Variants in SNTB1 observed in about 807,000 individuals in gnomAD.
SNTB1 encodes the protein beta-1-syntrophin.
In SNTB1, 36 loss-of-function variants were observed where a neutral mutation model predicts 48.9. The ratio of observed to expected loss-of-function variants is 0.74; its 90% CI spans 0.56 to 0.97. The LOEUF is 0.97. Ranked by LOEUF, SNTB1 falls within the 50% of genes least tolerant of loss-of-function variation. SNTB1 has a pLI of 0.00. For missense variants in SNTB1, 786 were observed against 703.4 expected, an observed-to-expected ratio of 1.12 and a Z score of -1.33; for synonymous variants, 299 against 294.6, an observed-to-expected ratio of 1.01 and a Z score of -0.15.
chr8:120,745,059 A>G (rs566365102), intron 1 of SNTB1, among the ~76,000 whole-genome samples: 2 of 151,776 alleles, frequency 1.3e-5, no homozygotes, highest in East Asian at 3.9e-4. Flanking sequence ...TATTTGGTGC[A>G]GACATTAGGA....
At chr8:120,728,145 C>G (rs1460145043) in intron 1 of SNTB1, among the ~76,000 whole-genome samples, 1 of 152,122 alleles carries the variant, frequency 6.6e-6, no homozygotes, top group African/African-American at 2.4e-5. Flanking sequence ...CCCACCCCAG[C>G]CTTCTGAGTA....
chr8:120,662,218 A>C (rs1458094565), intron 2 of SNTB1, among the ~76,000 whole-genome samples: 1 of 152,224 alleles, frequency 6.6e-6, no homozygotes, highest in Non-Finnish European at 1.5e-5. Context: ...TATCTAAACT[A>C]TCTAGACAAG....
intron 1 of SNTB1, among the ~76,000 whole-genome samples, chr8:120,697,681 T>G (rs1159743108): frequency 6.6e-6 from 1 of 152,146 alleles, no homozygotes; most frequent in South Asian, 2.1e-4. Flanking sequence ...TCAAAGGAAA[T>G]GTTGCATACA....
At chr8:120,748,298 C>G (rs1056919119) in intron 1 of SNTB1, among the ~76,000 whole-genome samples, 18 of 152,082 alleles carry the variant, frequency 1.2e-4, no homozygotes, top group African/African-American at 4.3e-4. Flanking sequence ...TTCCTCCCTC[C>G]TTTTTAACTT....
chr8:120,548,905 G>A lies in SNTB1; in HGVS notation c.1190C>T (p.Ser397Phe). The change falls in exon 5 of 7, where the codon TCC (serine) becomes TTC (phenylalanine). Residue 397 changes from serine to phenylalanine, a missense_variant. By Grantham distance (155) the Ser-to-Phe change is radical (BLOSUM62 -2). Coordinates refer to ENST00000517992, the MANE Select transcript of SNTB1 (RefSeq NM_021021.4). ...CCTGGTACCAGTTCGCGTTGCAAAG[G>A]ACAGATCCACACCAGCCTGGGGTGA... is the stretch of plus-strand genomic sequence containing the variant. The part of the protein sequence containing the change: ...KGSPQAGVDL[S>F]FATRTGTRQG... 6.2e-7 allele frequency: 1 copy of A among 1,610,656 alleles called. No homozygotes were observed. Among genetic ancestry groups the A allele is most frequent in the Non-Finnish European group, 8.5e-7 (1 of 1,178,306 alleles).
intron 1 of SNTB1, among the ~76,000 whole-genome samples, chr8:120,802,302 T>C (rs971222590): frequency 6.6e-5 from 10 of 152,160 alleles, no homozygotes; most frequent in African/African-American, 2.4e-4. Context: ...ATTGAAGTAA[T>C]TGAAAATTCA....
At chr8:120,602,480 C>T (rs1223433941) in intron 3 of SNTB1, among the ~76,000 whole-genome samples, 1 of 152,162 alleles carries the variant, frequency 6.6e-6, no homozygotes, top group Non-Finnish European at 1.5e-5. Flanking sequence ...ACCGAGGTTC[C>T]CCCGAAAGAA....
intron 1 of SNTB1, among the ~76,000 whole-genome samples, chr8:120,797,546 CTTTTTTTTTTTTT>C (rs60374035): frequency 1.3e-4 from 9 of 69,114 alleles, no homozygotes; most frequent in South Asian, 1.4e-3. Context: ...ACTTGTTTCT[CTTTTTTTTTTTTT>C]TTTTTTTTTT....
In SNTB1 at chr8:120,729,288, G is replaced by C. The variant is rs547744743; in HGVS notation, c.572-35380C>G. ...CGTGAGCCACTGCACCTGGCCTGAC[G>C]TTTTAATAATAGTCATTCTGACAGA... On this transcript the variant is annotated intron_variant, in intron 1 of 6. Coordinates refer to ENST00000517992, the MANE Select transcript of SNTB1 (RefSeq NM_021021.4). 1.9e-4 allele frequency among the ~76,000 whole-genome samples: 29 copies of C among 152,230 alleles called. No homozygotes were observed. In the East Asian group the frequency reaches 2.1e-3, roughly 11 times the overall value.
chr8:120,547,909 T>C (rs1056880299), intron 5 of SNTB1, among the ~76,000 whole-genome samples: 3 of 152,202 alleles, frequency 2.0e-5, no homozygotes, highest in Non-Finnish European at 4.4e-5. Context: ...TGCTCTTTTT[T>C]ACTGCCCTGG....
At chr8:120,805,932 A>G (rs57585539) in intron 1 of SNTB1, among the ~76,000 whole-genome samples, 2,025 of 152,322 alleles carry the variant, frequency 0.013, 58 homozygotes, top group African/African-American at 0.046. Flanking sequence ...AAGTGACTTA[A>G]ACTCTGTGCC....
At chr8:120,748,521 G>A (rs145674178) in intron 1 of SNTB1, among the ~76,000 whole-genome samples, 57 of 152,162 alleles carry the variant, frequency 3.7e-4, no homozygotes, top group African/African-American at 1.3e-3. Context: ...ATGGATCAGG[G>A]GGACTTTGAC....
At chr8:120,749,786 G>A (rs998386446) in intron 1 of SNTB1, among the ~76,000 whole-genome samples, 4 of 152,072 alleles carry the variant, frequency 2.6e-5, no homozygotes, top group African/African-American at 7.2e-5. Context: ...ACATTAGTAC[G>A]GAAAGGTCTG....
intron 1 of SNTB1, among the ~76,000 whole-genome samples, chr8:120,774,314 G>T (rs1819694365): frequency 1.3e-5 from 2 of 152,226 alleles, no homozygotes; most frequent in Non-Finnish European, 2.9e-5. Flanking sequence ...ATCCAGTGTG[G>T]CTGCAGCAGG....
At chr8:120,708,775 A>G (rs908429981) in intron 1 of SNTB1, among the ~76,000 whole-genome samples, 1 of 152,150 alleles carries the variant, frequency 6.6e-6, no homozygotes, top group Non-Finnish European at 1.5e-5. Flanking sequence ...AGTTATAGGA[A>G]ACAAAAGAAG....
intron 2 of SNTB1, among the ~76,000 whole-genome samples, chr8:120,681,634 A>G (rs1817933213): frequency 1.3e-5 from 2 of 152,158 alleles, no homozygotes; most frequent in South Asian, 4.1e-4. Context: ...AAAAAGACAG[A>G]ATGATTCTCC....
At chr8:120,775,754 GGAAA>G (rs1488512768) in intron 1 of SNTB1, among the ~76,000 whole-genome samples, 117 of 133,544 alleles carry the variant, frequency 8.8e-4, no homozygotes, top group African/African-American at 3.2e-3. Flanking sequence ...AAGGAAGGAA[GGAAA>G]GAAGGAAAGA....
chr8:120,781,628 T>C (rs1055205829), intron 1 of SNTB1, among the ~76,000 whole-genome samples: 1 of 152,202 alleles, frequency 6.6e-6, no homozygotes. Context: ...CCAGCATTCC[T>C]ACTAGGTCTG....
rs116017993 is a variant in SNTB1 at position 120,604,994 on chromosome 8, A to C, written c.996+27450T>G. ...AATGAAAATACTTGAAAAATCTCAGAAGTAGTAGCATCCTGAATCCCCAAG... is the reference window on the plus strand; with the variant it reads ...AATGAAAATACTTGAAAAATCTCAGCAGTAGTAGCATCCTGAATCCCCAAG... On this transcript the variant is annotated intron_variant, in intron 3 of 6. Transcript: ENST00000517992. Among the ~76,000 whole-genome samples the C allele has an allele frequency of 1.4e-3, 210 of 152,294 alleles. 1 individual carries two copies. Among genetic ancestry groups the C allele is most frequent in the African/African-American group, 4.6e-3 (190 of 41,558 alleles).
Sources: gnomAD v4.1 joint callset for allele counts (sites outside exome capture counted in the v4.1 genomes callset) on GRCh38, gnomAD v4.1.1 for gene constraint, MANE v1.5 for transcripts, NCBI Gene and HGNC (gene_info 2026-07-23, HGNC 2026-07-21) for gene names.